TAFA2: variants seen among roughly 807,000 people sequenced by gnomAD.
TAFA2 encodes TAFA chemokine like family member 2, also known as chemokine-like protein TAFA-2.
In TAFA2, 7 loss-of-function variants were observed where a neutral mutation model predicts 18.8. That is an observed-to-expected ratio of 0.37 (90% CI 0.21 to 0.70). The LOEUF is 0.70. Among genes scored for constraint, TAFA2 ranks in the 30% least tolerant of loss-of-function variants. TAFA2 has a pLI of 0.53. For missense variants in TAFA2, 122 were observed against 158.1 expected (o/e 0.77, Z 1.23); for synonymous variants, 60 against 54.2 (o/e 1.11, Z -0.47).
chr12:62,177,938 C>T (rs1249981117), intron 1 of TAFA2, among the ~76,000 whole-genome samples: 1 of 152,178 alleles, frequency 6.6e-6, no homozygotes, highest in Non-Finnish European at 1.5e-5. Flanking sequence ...CCTACTCTCC[C>T]CTCCATGGAG....
intron 1 of TAFA2, among the ~76,000 whole-genome samples, chr12:62,088,903 T>C (rs1423635202): frequency 6.7e-6 from 1 of 148,798 alleles, no homozygotes; most frequent in African/African-American, 2.5e-5. Flanking sequence ...TCTCTCTCTC[T>C]CTATCTCTGT....
intron 2 of TAFA2, among the ~76,000 whole-genome samples, chr12:61,837,501 A>T (rs891456849): frequency 6.6e-6 from 1 of 152,036 alleles, no homozygotes; most frequent in Non-Finnish European, 1.5e-5. Context: ...TGTGTATTAT[A>T]TAAGATCTAT....
At chr12:61,751,652 A>G (rs1169742475) in intron 4 of TAFA2, among the ~76,000 whole-genome samples, 1 of 152,086 alleles carries the variant, frequency 6.6e-6, no homozygotes, top group African/African-American at 2.4e-5. Context: ...AGAAAAATAG[A>G]AAGTGCTATC....
intron 4 of TAFA2, among the ~76,000 whole-genome samples, chr12:61,719,777 C>T (rs982713604): frequency 3.9e-5 from 6 of 152,136 alleles, no homozygotes; most frequent in African/African-American, 1.4e-4. Context: ...GTTGCTGTCA[C>T]TTAAAAGGAC....
chr12:62,229,636 C>T (rs2062803422), intron 1 of TAFA2, among the ~76,000 whole-genome samples: 1 of 151,820 alleles, frequency 6.6e-6, no homozygotes, highest in African/African-American at 2.4e-5. Flanking sequence ...AGGATTTCTA[C>T]ATCTATGTCC....
At chr12:61,882,988 G>T (rs770886651) in intron 1 of TAFA2, among the ~76,000 whole-genome samples, 1 of 152,092 alleles carries the variant, frequency 6.6e-6, no homozygotes, top group Non-Finnish European at 1.5e-5. Context: ...AAAGCCAAAG[G>T]TTCATCCTCC....
chr12:61,764,230 T>TGATTGATAGATAGATAGATA (rs1555163228), intron 2 of TAFA2, among the ~76,000 whole-genome samples: 7 of 150,144 alleles, frequency 4.7e-5, no homozygotes, highest in South Asian at 2.1e-4. Context: ...GATGATTGAT[T>TGATTGATAGATAGATAGATA]GATAGATAGA....
intron 2 of TAFA2, among the ~76,000 whole-genome samples, chr12:61,781,189 T>C (rs1016047910): frequency 7.9e-5 from 12 of 151,710 alleles, no homozygotes. Context: ...CATTGTAAGA[T>C]CCCTTCCTAT....
intron 4 of TAFA2, among the ~76,000 whole-genome samples, chr12:61,730,821 T>C (rs1015470628): frequency 6.6e-6 from 1 of 152,272 alleles, no homozygotes; most frequent in South Asian, 2.1e-4. Context: ...GGCTGAGATC[T>C]TGTCCCAGGC....
intron 1 of TAFA2, among the ~76,000 whole-genome samples, chr12:62,189,620 A>T (rs920589045): frequency 1.3e-5 from 2 of 152,190 alleles, no homozygotes; most frequent in Admixed American, 6.5e-5. Context: ...AAGTACAAAT[A>T]ATCTTAATCT....
At chr12:61,855,415 G>T (rs1873842558) in intron 2 of TAFA2, among the ~76,000 whole-genome samples, 1 of 152,078 alleles carries the variant, frequency 6.6e-6, no homozygotes, top group South Asian at 2.1e-4. Flanking sequence ...TTTCATACAT[G>T]GGCTTGTCTA....
chr12:61,971,610 A>C (rs1327410699), intron 1 of TAFA2, among the ~76,000 whole-genome samples: 1 of 151,918 alleles, frequency 6.6e-6, no homozygotes, highest in Non-Finnish European at 1.5e-5. Flanking sequence ...CATTCTCAGC[A>C]AAATTTCACA....
At chr12:61,710,744 G>T (rs1018807297) in intron 4 of TAFA2, among the ~76,000 whole-genome samples, 4 of 151,836 alleles carry the variant, frequency 2.6e-5, no homozygotes, top group African/African-American at 9.7e-5. Context: ...TTTTGCACAG[G>T]CTTGGTAGCC....
At chr12:61,795,301 T>C (rs920504124) in intron 2 of TAFA2, among the ~76,000 whole-genome samples, 4 of 152,190 alleles carry the variant, frequency 2.6e-5, no homozygotes, top group African/African-American at 9.7e-5. Context: ...TGCGGCACTA[T>C]TCACAATAGC....
Position 61,756,206 on chromosome 12 carries a change from G to A in TAFA2, c.107-1182C>T, listed in dbSNP as rs940679289. On this transcript the variant is annotated intron_variant, in intron 2 of 4. Transcript: ENST00000416284. ...TTTCCTACCTCTTATCCTTCTGTGT[G>A]AGACCAAGAAACTCAAGTGTAACAT... 3.3e-5 allele frequency among the ~76,000 whole-genome samples: 5 copies of A among 152,052 alleles called. No homozygotes were observed. The East Asian group carries it at 9.7e-4, about 29-fold the overall frequency.
intron 1 of TAFA2, among the ~76,000 whole-genome samples, chr12:62,093,367 CA>C (rs1310324389): frequency 1.3e-5 from 2 of 151,888 alleles, no homozygotes; most frequent in Admixed American, 1.3e-4. Flanking sequence ...ATGAAGATTT[CA>C]AATACATGTA....
intron 1 of TAFA2, among the ~76,000 whole-genome samples, chr12:62,162,135 C>CAGG (rs1428205360): frequency 3.3e-5 from 5 of 152,260 alleles, no homozygotes; most frequent in Admixed American, 3.3e-4. Context: ...CTCAAGGACC[C>CAGG]AGGAGCCATC....
intron 2 of TAFA2, among the ~76,000 whole-genome samples, chr12:61,781,695 G>A (rs188983595): frequency 4.6e-5 from 7 of 151,540 alleles, no homozygotes; most frequent in Middle Eastern, 3.4e-3. Flanking sequence ...AGAAATACAC[G>A]ATAAAAATAT....
chr12:61,868,823 T>C (rs1874466843), intron 1 of TAFA2, among the ~76,000 whole-genome samples: 1 of 152,196 alleles, frequency 6.6e-6, no homozygotes, highest in African/African-American at 2.4e-5. Flanking sequence ...AACTTCTAAG[T>C]CAGAATGCCG....
Sources: gnomAD v4.1 joint callset for allele counts (sites outside exome capture counted in the v4.1 genomes callset) on GRCh38, gnomAD v4.1.1 for gene constraint, MANE v1.5 for transcripts, NCBI Gene and HGNC (gene_info 2026-07-23, HGNC 2026-07-21) for gene names.